Variants in EHMT1 observed in about 807,000 individuals in gnomAD.
The protein encoded by EHMT1 is euchromatic histone lysine methyltransferase 1.
Under a neutral mutation model 147.2 loss-of-function variants are expected in EHMT1, and 15 were observed. The ratio of observed to expected loss-of-function variants is 0.10; its 90% CI spans 0.07 to 0.16. EHMT1 has a LOEUF of 0.16. EHMT1 is among the 10% of genes least tolerant of loss of function. EHMT1 has a pLI of 1.00. For synonymous variants in EHMT1, 795 were observed against 709.6 expected (o/e 1.12, Z -1.91); for missense variants, 1,587 against 1,772.4 (o/e 0.90, Z 1.88).
chr9:137,747,116 A>C (rs1323749069), intron 6 of EHMT1: 1 of 152,238 alleles, frequency 6.6e-6, no homozygotes, highest in African/African-American at 2.4e-5. Flanking sequence ...TGAGACTAAA[A>C]TATAGGCTGA....
chr9:137,811,475 C>T lies in EHMT1; in HGVS notation c.2727C>T (p.Cys909=). Residue 909 remains cysteine, a synonymous_variant, in exon 19 of 27, where the codon TGC becomes TGT. Transcript: ENST00000460843. The stretch of plus-strand genomic sequence containing the variant: ...TGTCTGTTCAGGAGGAGAACATTTG[C>T]CTGCACTGGGCGGCGTTCTCCGGCT... The part of the protein sequence containing the change: ...INIRDNEENI[C]LHWAAFSGCV... The T allele has an allele frequency of 5.0e-6, 8 of 1,612,582 alleles. No individual in the cohort carries two copies. Among genetic ancestry groups the T allele is most frequent in the South Asian group, 1.1e-5 (1 of 91,086 alleles).
chr9:137,752,375 G>A lies in EHMT1; in HGVS notation c.1215G>A (p.Gly405=). 3 of 1,614,152 alleles carry A rather than the reference G, an allele frequency of 1.9e-6. No individual in the cohort carries two copies. Among genetic ancestry groups the A allele is most frequent in the Non-Finnish European group, 2.5e-6 (3 of 1,179,998 alleles). ...SEEEQESVDT[G]EEEEGGDESD... ...AGGAGCAGGAGTCCGTGGACACCGGGGAGGAGGAGGAAGGCGGTGACGAGT... is the reference window on the plus strand; with the variant it reads ...AGGAGCAGGAGTCCGTGGACACCGGAGAGGAGGAGGAAGGCGGTGACGAGT... The change falls in exon 7 of 27, where the codon GGG becomes GGA. Residue 405 remains glycine, a synonymous_variant. Transcript: ENST00000460843.
At chr9:137,647,703 T>A (rs904819910) in intron 1 of EHMT1, among the ~76,000 whole-genome samples, 1 of 151,632 alleles carries the variant, frequency 6.6e-6, no homozygotes, top group African/African-American at 2.4e-5. Flanking sequence ...CCAGTGATTC[T>A]CCTGTCTCAG....
intron 9 of EHMT1, among the ~76,000 whole-genome samples, chr9:137,762,225 A>G (rs562986218): frequency 1.3e-5 from 2 of 151,438 alleles, no homozygotes; most frequent in South Asian, 2.1e-4. Flanking sequence ...GAGATTCTAG[A>G]TAATAGATGA....
At chr9:137,673,286 G>A (rs777300699) in intron 1 of EHMT1, among the ~76,000 whole-genome samples, 5 of 152,124 alleles carry the variant, frequency 3.3e-5, no homozygotes, top group Admixed American at 2.0e-4. Flanking sequence ...GGGGTTTGTG[G>A]TCCCTCACCA....
chr9:137,776,498 C>A lies in EHMT1; in HGVS notation c.1792-120C>A. On this transcript the variant is annotated intron_variant, in intron 11 of 26. Transcript: ENST00000460843. This position sits in a 1 kb window ranked among gnomAD's most constrained non-coding sequence, Gnocchi z 4.4. ...GGGCCAAGACTGGACCCCACCCCGA[C>A]CCATGGCTCACTCTGCAGACCGCCC... 2.1e-6 allele frequency: 2 copies of A among 967,204 alleles called. No homozygotes were observed. Among genetic ancestry groups the A allele is most frequent in the Non-Finnish European group, 1.6e-6 (1 of 626,846 alleles). The allele number at this position is 967,204 out of a possible 1,614,324, so 59.9% of individuals were successfully genotyped here. A position where few individuals can be genotyped will look rare whatever the true frequency, so the allele number is the denominator to read the frequency against.
At chr9:137,817,363 C>T in intron 23 of EHMT1, 76 bp from the exon 24 acceptor site, 1 of 1,542,126 alleles carries the variant, frequency 6.5e-7, no homozygotes, top group South Asian at 1.1e-5. Context: ...GACGTGGCAC[C>T]AGCTGGCTTT....
chr9:137,767,003 T>G (rs1046505602), intron 10 of EHMT1, among the ~76,000 whole-genome samples: 2 of 152,176 alleles, frequency 1.3e-5, no homozygotes, highest in Non-Finnish European at 2.9e-5. Flanking sequence ...ATTTTTATTT[T>G]GTAGAGATGG....
rs565724445 is a variant in EHMT1, at chr9:137,826,721, G to A, written c.3541-7628G>A. On this transcript the variant is annotated intron_variant, in intron 25 of 26. Transcript: ENST00000460843. ...GAGGGGAGAGCTTTGCTGGGGCTTCGAAACCACCTCCTAATGGCAGCATTG... is the reference window on the plus strand; with the variant it reads ...GAGGGGAGAGCTTTGCTGGGGCTTCAAAACCACCTCCTAATGGCAGCATTG... Among the ~76,000 whole-genome samples, 10 of 152,268 alleles carry A rather than the reference G, an allele frequency of 6.6e-5. No individual in the cohort carries two copies. In the East Asian group the frequency reaches 1.9e-3, roughly 29 times the overall value.
intron 1 of EHMT1, among the ~76,000 whole-genome samples, chr9:137,677,190 G>T (rs1564574004): frequency 1.3e-5 from 2 of 151,836 alleles, no homozygotes; most frequent in Non-Finnish European, 2.9e-5. Flanking sequence ...CTGGATTGCC[G>T]TGACGCAATC....
At chr9:137,739,087 A>G (rs190195816) in intron 4 of EHMT1, among the ~76,000 whole-genome samples, 2 of 151,692 alleles carry the variant, frequency 1.3e-5, no homozygotes, top group Admixed American at 6.6e-5. Context: ...AAAAAAAAAA[A>G]CAGGCCGGGC....
chr9:137,812,371 A>G (rs1040715860), intron 19 of EHMT1, among the ~76,000 whole-genome samples: 1 of 152,190 alleles, frequency 6.6e-6, no homozygotes, highest in African/African-American at 2.4e-5. Context: ...AAAGCTTGAG[A>G]CCTTGATCCC....
intron 1 of EHMT1, among the ~76,000 whole-genome samples, chr9:137,635,676 G>C (rs990557924): frequency 3.5e-4 from 53 of 150,938 alleles, no homozygotes; most frequent in Middle Eastern, 6.8e-3. Flanking sequence ...AAAAATTAGT[G>C]GGACGTGGTG....
intron 6 of EHMT1, among the ~76,000 whole-genome samples, chr9:137,749,616 G>A (rs1948818135): frequency 6.6e-6 from 1 of 152,114 alleles, no homozygotes; most frequent in South Asian, 2.1e-4. Context: ...TAATTCTGAT[G>A]TCAGTGGTTA....
At chr9:137,623,625 T>C (rs1423743484) in intron 1 of EHMT1, among the ~76,000 whole-genome samples, 1 of 152,066 alleles carries the variant, frequency 6.6e-6, no homozygotes, top group Non-Finnish European at 1.5e-5. Context: ...TTCAACTTCT[T>C]GGCGAGGCTG....
intron 1 of EHMT1, among the ~76,000 whole-genome samples, chr9:137,699,138 G>A (rs913560920): frequency 7.9e-5 from 12 of 152,276 alleles, no homozygotes; most frequent in African/African-American, 2.4e-4. Context: ...GCGCGCTGCC[G>A]TCTTCTCTGG....
intron 1 of EHMT1, among the ~76,000 whole-genome samples, chr9:137,633,888 A>G (rs1214988690): frequency 6.8e-6 from 1 of 146,730 alleles, no homozygotes; most frequent in Non-Finnish European, 1.5e-5. Context: ...ATCTAGTCTC[A>G]CTGCAACCTC....
chr9:137,711,168 T>A (rs1944681535), intron 2 of EHMT1, 138 bp downstream of exon 2: 1 of 826,848 alleles, frequency 1.2e-6, no homozygotes, highest in South Asian at 2.1e-5. Flanking sequence ...TTCTAATCTA[T>A]CCCATTCCTA....
chr9:137,752,191 C>A (rs1949021943), intron 6 of EHMT1, 140 bp from the exon 7 acceptor site: 2 of 1,025,964 alleles, frequency 1.9e-6, no homozygotes, highest in Non-Finnish European at 1.5e-6. Flanking sequence ...GCCGGCGGCG[C>A]CCCCGCCCCG....
Sources: gnomAD v4.1 joint callset for allele counts (sites outside exome capture counted in the v4.1 genomes callset) on GRCh38, gnomAD v4.1.1 for gene constraint, Gnocchi (gnomAD v3.1) non-coding constraint, MANE v1.5 for transcripts, NCBI Gene and HGNC (gene_info 2026-07-23, HGNC 2026-07-21) for gene names.